GALNT2: variants seen among roughly 807,000 people sequenced by gnomAD.
GALNT2 encodes the protein polypeptide N-acetylgalactosaminyltransferase 2.
GALNT2 carries 31 observed loss-of-function variants against 81.4 expected under a neutral mutation model. The observed-to-expected ratio is 0.38, with a 90% CI of 0.29 to 0.51. The LOEUF is 0.51. Among genes scored for constraint, GALNT2 ranks in the 20% least tolerant of loss-of-function variants. GALNT2 has a pLI of 0.87. For synonymous variants in GALNT2, 303 were observed against 287.4 expected (o/e 1.05, Z -0.55); for missense variants, 629 against 765.7 (o/e 0.82, Z 2.11).
At chr1:230,151,003 G>A (rs973772191) in intron 1 of GALNT2, among the ~76,000 whole-genome samples, 5 of 152,212 alleles carry the variant, frequency 3.3e-5, no homozygotes, top group Non-Finnish European at 5.9e-5. Context: ...GCATGCAGGT[G>A]TCTGTAACTT....
At chr1:230,065,471 A>G (rs1192124581), upstream of GALNT2, among the ~76,000 whole-genome samples, 1 of 152,046 alleles carries the variant, frequency 6.6e-6, no homozygotes. Flanking sequence ...CACTTTGTTC[A>G]GTTTGACATG....
At chr1:230,083,148 T>G in intron 1 of GALNT2, among the ~76,000 whole-genome samples, 1 of 102,124 alleles carries the variant, frequency 9.8e-6, no homozygotes, top group Non-Finnish European at 1.9e-5. Context: ...ATGATGGAGC[T>G]GGCAGCTGGG....
intron 1 of GALNT2, among the ~76,000 whole-genome samples, chr1:230,094,163 ATTTTTTTT>A (rs58639878): frequency 0.22 from 25,866 of 119,224 alleles, 2,607 homozygotes; most frequent in South Asian, 0.28. Context: ...ATGCTGGCTA[ATTTTTTTT>A]TTTTTTTTTT....
chr1:230,075,121 C>CCT (rs1553309833), intron 1 of GALNT2, among the ~76,000 whole-genome samples: 23 of 92,554 alleles, frequency 2.5e-4, no homozygotes, highest in Non-Finnish European at 3.7e-4. Flanking sequence ...GTCTGTTTTG[C>CCT]TTTTTTTTTT....
rs368595274 is a variant in GALNT2 at position 230,255,369 on chromosome 1, G to A, written c.1136+25G>A. On this transcript the variant is annotated intron_variant, in intron 11 of 15. Coordinates refer to ENST00000366672, the MANE Select transcript of GALNT2 (RefSeq NM_004481.5). ...GGTAAGTAGTGAAAGGCTGAGCGGG[G>A]TCCAAAACATTGATGACTACCCTGA... 133 of 1,613,994 alleles carry A rather than the reference G, an allele frequency of 8.2e-5. No individual in the cohort carries two copies. In the African/African-American group the frequency reaches 1.4e-3, roughly 17 times the overall value.
At chr1:230,269,786 A>G (rs945521845) in intron 14 of GALNT2, among the ~76,000 whole-genome samples, 2 of 151,964 alleles carry the variant, frequency 1.3e-5, no homozygotes, top group African/African-American at 4.8e-5. Context: ...AGTCCAAGCT[A>G]CTCAGGAGGC....
chr1:230,153,105 C>T (rs1273960654), intron 1 of GALNT2, among the ~76,000 whole-genome samples: 2 of 152,166 alleles, frequency 1.3e-5, no homozygotes, highest in African/African-American at 2.4e-5. Flanking sequence ...ACCGTGTTGT[C>T]CAGGCTGGAG....
intron 13 of GALNT2, 157 bp from the exon 14 acceptor site, chr1:230,265,084 A>G: frequency 1.2e-6 from 1 of 835,080 alleles, no homozygotes; most frequent in Non-Finnish European, 1.9e-6. Context: ...CGTGTCCCTG[A>G]CACACACTAC....
rs1666272721 is a variant in GALNT2, at chr1:230,275,483, A to G, written c.1560+919A>G. Among the ~76,000 whole-genome samples, 1 of 151,704 alleles carries G rather than the reference A, an allele frequency of 6.6e-6. No individual in the cohort carries two copies. The highest frequency in any genetic ancestry group is 1.5e-5 in the Non-Finnish European group (1 of 67,830). Reference sequence around the variant, plus strand: ...ACATATATACAAACACCACATATATATACATATACACACACACACCACAGA... The same window carrying G: ...ACATATATACAAACACCACATATATGTACATATACACACACACACCACAGA... On this transcript the variant is annotated intron_variant, in intron 15 of 15. Transcript: ENST00000366672. The surrounding 1 kb of genome is among the most constrained non-coding windows in gnomAD (Gnocchi z 5.5).
chr1:230,076,169 C>G (rs1015509323), intron 1 of GALNT2, among the ~76,000 whole-genome samples: 4 of 152,200 alleles, frequency 2.6e-5, no homozygotes, highest in African/African-American at 9.7e-5. Context: ...CTGCTCGAGG[C>G]AGTTTTAATT....
rs1250701833 is a variant in GALNT2, at chr1:230,281,455, C to T, written c.*1997C>T. The T allele has an allele frequency of 2.0e-5, 3 of 152,172 alleles. No individual in the cohort carries two copies. Among genetic ancestry groups the T allele is most frequent in the Non-Finnish European group, 2.9e-5 (2 of 68,076 alleles). 9.4% of individuals were successfully genotyped at this position (152,172 alleles called of 1,614,324 possible). The stretch of plus-strand genomic sequence containing the variant: ...AGGCCAGAGCAGGGTGTGCGTAGCC[C>T]CCAGCACCCAGGTTCTTCTGTCAGA... On this transcript the variant is annotated 3_prime_UTR_variant, in exon 16 of 16. Coordinates refer to ENST00000366672, the MANE Select transcript of GALNT2 (RefSeq NM_004481.5).
chr1:230,069,653 C>G (rs1484712103), intron 1 of GALNT2, among the ~76,000 whole-genome samples: 6 of 151,972 alleles, frequency 3.9e-5, no homozygotes, highest in Admixed American at 3.9e-4. Flanking sequence ...CCAATTGTTT[C>G]CATGGATTTA....
intron 1 of GALNT2, among the ~76,000 whole-genome samples, chr1:230,146,217 C>T (rs560805228): frequency 1.1e-4 from 16 of 152,170 alleles, no homozygotes; most frequent in Non-Finnish European, 2.1e-4. Flanking sequence ...GTTATTTTTC[C>T]CCTCCCTTTT....
chr1:230,274,919 CTATG>C (rs1024366839), intron 15 of GALNT2, among the ~76,000 whole-genome samples: 21 of 151,776 alleles, frequency 1.4e-4, no homozygotes, highest in Admixed American at 8.5e-4. Context: ...GTGTGTGTGT[CTATG>C]TGTGTATATA....
intron 3 of GALNT2, among the ~76,000 whole-genome samples, chr1:230,231,328 T>C (rs1161358071): frequency 1.3e-5 from 2 of 152,238 alleles, no homozygotes; most frequent in African/African-American, 4.8e-5. Flanking sequence ...TGAGGAGTGA[T>C]GTTAGTTGTC....
intron 1 of GALNT2, among the ~76,000 whole-genome samples, chr1:230,116,162 G>A (rs1660840266): frequency 6.6e-6 from 1 of 152,280 alleles, no homozygotes; most frequent in South Asian, 2.1e-4. Flanking sequence ...TTTCCAGAAG[G>A]ATTTCACTTG....
At chr1:230,155,153 G>A (rs529173624) in intron 1 of GALNT2, among the ~76,000 whole-genome samples, 29 of 152,272 alleles carry the variant, frequency 1.9e-4, no homozygotes, top group African/African-American at 6.7e-4. Flanking sequence ...TATTTCCCAG[G>A]TCCTCGGTTT....
At chr1:230,142,364 G>C (rs372734455) in intron 1 of GALNT2, among the ~76,000 whole-genome samples, 16 of 152,308 alleles carry the variant, frequency 1.1e-4, no homozygotes, top group East Asian at 9.6e-4. Context: ...TGACCAAGTA[G>C]TCTGTGTAGG....
In GALNT2 at chr1:230,243,563, A is replaced by T; in HGVS notation, c.729+136A>T. On this transcript the variant is annotated intron_variant, in intron 7 of 15. Transcript: ENST00000366672. The surrounding 1 kb of genome is among the most constrained non-coding windows in gnomAD (Gnocchi z 4.2). ...GGTAGGGGCTGAGCTCGCCGTCTGC[A>T]GTTTTCCTTGATAGAAGGAAAATGC... is the stretch of plus-strand genomic sequence containing the variant. The T allele has an allele frequency of 8.8e-7, 1 of 1,139,602 alleles. No homozygotes were observed. The highest frequency in any genetic ancestry group is 1.8e-5 in the South Asian group (1 of 56,148). The allele number at this position is 1,139,602 out of a possible 1,614,324, so 70.6% of individuals were successfully genotyped here.
Sources: allele counts gnomAD v4.1 joint callset (sites outside exome capture counted in the v4.1 genomes callset), GRCh38; gene constraint gnomAD v4.1.1; non-coding constraint Gnocchi (gnomAD v3.1); transcripts MANE v1.5; gene names NCBI Gene and HGNC (gene_info 2026-07-23, HGNC 2026-07-21).